The following RBFOX1 variants were observed in gnomAD, a reference collection of about 807,000 sequenced individuals.
The protein encoded by RBFOX1 is RNA binding protein fox-1 homolog 1.
RBFOX1 carries 8 observed loss-of-function variants against 57.7 expected under a neutral mutation model. That is an observed-to-expected ratio of 0.14 (90% confidence interval 0.08 to 0.25). The LOEUF (loss-of-function observed/expected upper bound fraction) is 0.25. Ranked by LOEUF, RBFOX1 falls within the 10% of genes least tolerant of loss-of-function variation. The pLI is 1.00. For missense variants in RBFOX1, 611 were observed against 548.5 expected (o/e 1.11, Z -1.14); for synonymous variants, 326 against 222.4 (o/e 1.47, Z -4.15).
intron 2 of RBFOX1, among the ~76,000 whole-genome samples, chr16:5,540,886 G>C (rs539640571): frequency 1.3e-5 from 2 of 152,264 alleles, no homozygotes; most frequent in East Asian, 3.9e-4. Context: ...GTCTTGCTCT[G>C]TCGCCCAGGC....
At chr16:7,054,002 A>C (rs556490600) in intron 4 of RBFOX1, among the ~76,000 whole-genome samples, 302 of 152,096 alleles carry the variant, frequency 2.0e-3, no homozygotes, top group African/African-American at 6.8e-3. Flanking sequence ...TTAGGCGTCT[A>C]GTTCCCTCTG....
chr16:6,173,206 G>C, intron 1 of RBFOX1, among the ~76,000 whole-genome samples: 1 of 152,090 alleles, frequency 6.6e-6, no homozygotes, highest in East Asian at 1.9e-4. Flanking sequence ...TTACAGCGGC[G>C]TGGACACTTC....
intron 1 of RBFOX1, among the ~76,000 whole-genome samples, chr16:6,244,427 A>T (rs2097557664): frequency 6.6e-6 from 1 of 152,176 alleles, no homozygotes; most frequent in East Asian, 1.9e-4. Context: ...GCCTCTAGGG[A>T]TAACATGGTC....
intron 3 of RBFOX1, among the ~76,000 whole-genome samples, chr16:5,841,913 T>C (rs758923035): frequency 6.6e-6 from 1 of 152,200 alleles, no homozygotes; most frequent in Non-Finnish European, 1.5e-5. Flanking sequence ...CAAGTCTGAT[T>C]TGAAATTAAA....
intron 4 of RBFOX1, among the ~76,000 whole-genome samples, chr16:7,428,536 A>ATTATTATTG (rs1211294437): frequency 7.0e-6 from 1 of 142,216 alleles, no homozygotes; most frequent in South Asian, 2.3e-4. Context: ...TATTATTATT[A>ATTATTATTG]TTATTTGTAG....
intron 1 of RBFOX1, among the ~76,000 whole-genome samples, chr16:6,106,201 A>G (rs955713813): frequency 6.6e-6 from 1 of 152,134 alleles, no homozygotes; most frequent in Admixed American, 6.6e-5. Context: ...TCCTGCCTGT[A>G]ATTCCAGCAC....
chr16:5,975,296 G>A (rs1281301413), intron 4 of RBFOX1, among the ~76,000 whole-genome samples: 3 of 152,168 alleles, frequency 2.0e-5, no homozygotes, highest in Admixed American at 6.5e-5. Flanking sequence ...ATTGCAGTAT[G>A]TTGGAGCAAT....
Position 7,037,107 on chromosome 16 carries a change from C to T in RBFOX1, c.-15-14950C>T, listed in dbSNP as rs190133049. On this transcript the variant is annotated intron_variant, in intron 3 of 15. Transcript: ENST00000550418. ...TGGGTTTTGGCTGGCTTCTTTACTG[C>T]AAACTGTTCTATCAGCAAGGTCCTT... is the stretch of plus-strand genomic sequence containing the variant. 1.8e-3 allele frequency among the ~76,000 whole-genome samples: 281 copies of T among 152,138 alleles called. 1 individual carries two copies. Among genetic ancestry groups the T allele is most frequent in the African/African-American group, 6.5e-3 (270 of 41,520 alleles).
At chr16:6,304,149 G>A (rs866770902) in intron 1 of RBFOX1, among the ~76,000 whole-genome samples, 4 of 151,722 alleles carry the variant, frequency 2.6e-5, no homozygotes, top group Admixed American at 6.6e-5. Context: ...TTACCCAGGC[G>A]TGGTGGCAGG....
intron 4 of RBFOX1, among the ~76,000 whole-genome samples, chr16:7,312,139 G>GGAGGCA (rs2096327257): frequency 6.6e-6 from 1 of 152,224 alleles, no homozygotes; most frequent in Non-Finnish European, 1.5e-5. Context: ...CAGCACTTTA[G>GGAGGCA]GAGGCAGAGG....
chr16:6,403,259 C>G (rs558012458), intron 2 of RBFOX1, among the ~76,000 whole-genome samples: 6 of 152,320 alleles, frequency 3.9e-5, no homozygotes, highest in South Asian at 2.1e-4. Flanking sequence ...TTGAGAAGCA[C>G]TAGGTCAGTT....
At chr16:6,833,664 C>G (rs1021505294) in intron 3 of RBFOX1, among the ~76,000 whole-genome samples, 1 of 152,198 alleles carries the variant, frequency 6.6e-6, no homozygotes, top group African/African-American at 2.4e-5. Flanking sequence ...CCATTGGCAC[C>G]TAGAATTGAC....
At position 6,190,741 on chromosome 16, in the gene RBFOX1, C is replaced by T; in HGVS notation, c.-126-126254C>T. Among the ~76,000 whole-genome samples the T allele has an allele frequency of 2.0e-5, 3 of 152,302 alleles. 1 individual carries two copies. In the East Asian group the frequency reaches 5.8e-4, roughly 29 times the overall value. On this transcript the variant is annotated intron_variant, in intron 1 of 15. Coordinates refer to ENST00000550418, the MANE Select transcript of RBFOX1 (RefSeq NM_018723.4). ...TTAAAATTATTGAACCACGTGCTATCAGGCATATTGCAGCAAAATATGGTG... is the reference window on the plus strand; with the variant it reads ...TTAAAATTATTGAACCACGTGCTATTAGGCATATTGCAGCAAAATATGGTG...
chr16:6,008,852 CT>C (rs981873715), intron 4 of RBFOX1, among the ~76,000 whole-genome samples: 2 of 152,148 alleles, frequency 1.3e-5, no homozygotes, highest in African/African-American at 4.8e-5. Flanking sequence ...GCTTAATTGC[CT>C]TACGGAATAA....
chr16:5,936,929 G>T (rs1567166944), intron 4 of RBFOX1, among the ~76,000 whole-genome samples: 1 of 152,126 alleles, frequency 6.6e-6, no homozygotes, highest in Non-Finnish European at 1.5e-5. Context: ...TCAAGGGACT[G>T]TAGAGCACTG....
intron 3 of RBFOX1, among the ~76,000 whole-genome samples, chr16:5,740,503 C>T (rs1019113185): frequency 6.6e-6 from 1 of 152,182 alleles, no homozygotes; most frequent in African/African-American, 2.4e-5. Context: ...ACTCATGGAT[C>T]AGTTAGGACT....
chr16:7,273,252 T>TTCCTTCCTC (rs2095372429), intron 4 of RBFOX1, among the ~76,000 whole-genome samples: 1 of 96,494 alleles, frequency 1.0e-5, no homozygotes, highest in African/African-American at 4.9e-5. Flanking sequence ...CTTCCTTCCT[T>TTCCTTCCTC]CCTTCCTTCC....
At chr16:6,857,684 C>T (rs1021956860) in intron 3 of RBFOX1, among the ~76,000 whole-genome samples, 2 of 152,158 alleles carry the variant, frequency 1.3e-5, no homozygotes, top group African/African-American at 4.8e-5. Context: ...GTGATAGCAG[C>T]TAACGGAGTG....
chr16:7,491,419 G>A (rs763508048), intron 4 of RBFOX1, among the ~76,000 whole-genome samples: 1 of 101,980 alleles, frequency 9.8e-6, no homozygotes, highest in Non-Finnish European at 2.4e-5. Context: ...TCCATTGTGA[G>A]CAGAAGCAGC....
Sources: allele counts gnomAD v4.1 joint callset (sites outside exome capture counted in the v4.1 genomes callset), GRCh38; gene constraint gnomAD v4.1.1; transcripts MANE v1.5; gene names NCBI Gene and HGNC (gene_info 2026-07-23, HGNC 2026-07-21).